The following NPHP1 variants were observed in gnomAD, a reference collection of about 807,000 sequenced individuals.
NPHP1 encodes nephrocystin-1.
In NPHP1, 70 loss-of-function variants were observed where a neutral mutation model predicts 90.4. That is an observed-to-expected ratio of 0.77 (90% CI 0.64 to 0.95). NPHP1 has a LOEUF of 0.95. Ranked by LOEUF, NPHP1 falls within the 40% of genes least tolerant of loss-of-function variation. The probability of loss-of-function intolerance (pLI) is 0.00; values close to 1 mark genes in which losing one functional copy is unlikely to be tolerated. For synonymous variants in NPHP1, 256 were observed against 271.7 expected (o/e 0.94, Z 0.57); for missense variants, 764 against 795.9 (o/e 0.96, Z 0.48).
intron 6 of NPHP1, among the ~76,000 whole-genome samples, chr2:110,166,405 C>T (rs1682732538): frequency 6.6e-6 from 1 of 152,182 alleles, no homozygotes. Flanking sequence ...TTTCCCAAGA[C>T]TTCCTTGCAG....
At chr2:110,176,733 G>A (rs1683538569) in intron 4 of NPHP1, among the ~76,000 whole-genome samples, 1 of 151,990 alleles carries the variant, frequency 6.6e-6, no homozygotes. Context: ...TTACTCCTAG[G>A]GCCTGGGCCT....
At chr2:110,192,607 C>G (rs1438145314) in intron 2 of NPHP1, among the ~76,000 whole-genome samples, 1 of 152,122 alleles carries the variant, frequency 6.6e-6, no homozygotes, top group Admixed American at 6.5e-5. Flanking sequence ...AGGAGAACTT[C>G]CCCAATCTAG....
At position 110,171,290 on chromosome 2, in the gene NPHP1, T is replaced by C. The variant is rs556701858; in HGVS notation, c.330-1292A>G. On this transcript the variant is annotated intron_variant, in intron 4 of 19. Transcript: ENST00000445609. ...GGAGCACCTACTGTGTGACAGACAC[T>C]ATGTGCTTGGGCTATAACAATGAAC... is the stretch of plus-strand genomic sequence containing the variant. Among the ~76,000 whole-genome samples, 17 of 152,302 alleles carry C rather than the reference T, an allele frequency of 1.1e-4. No homozygotes were observed. The East Asian group carries it at 3.3e-3, about 29-fold the overall frequency.
chr2:110,140,418 G>A (rs1300885326), intron 16 of NPHP1, among the ~76,000 whole-genome samples: 1 of 152,122 alleles, frequency 6.6e-6, no homozygotes, highest in Non-Finnish European at 1.5e-5. Flanking sequence ...AAGGACACAG[G>A]ACCTTTAAGA....
chr2:110,161,044 T>G (rs1181489725), intron 10 of NPHP1, among the ~76,000 whole-genome samples: 1 of 152,022 alleles, frequency 6.6e-6, no homozygotes, highest in Non-Finnish European at 1.5e-5. Context: ...TGTAGGCCTG[T>G]GGCCCCAGCT....
At chr2:110,191,729 C>T (rs1684757602) in intron 2 of NPHP1, among the ~76,000 whole-genome samples, 1 of 152,152 alleles carries the variant, frequency 6.6e-6, no homozygotes, top group Non-Finnish European at 1.5e-5. Flanking sequence ...TCCCTGACCC[C>T]CAAGTAGCCT....
intron 7 of NPHP1, 54 bp downstream of exon 7, chr2:110,164,998 A>T: frequency 7.3e-7 from 1 of 1,366,534 alleles, no homozygotes; most frequent in Non-Finnish European, 1.0e-6. Context: ...TAATAAAAAT[A>T]AACAAATAAA....
At chr2:110,189,555 T>C (rs1431650320) in intron 2 of NPHP1, among the ~76,000 whole-genome samples, 1 of 152,126 alleles carries the variant, frequency 6.6e-6, no homozygotes, top group Non-Finnish European at 1.5e-5. Flanking sequence ...CAAGATTTAT[T>C]GCAAACAGCG....
rs1682513599 is a variant in NPHP1 at position 110,163,720 on chromosome 2, G to A, written c.772-585C>T. The A allele has an allele frequency of 1.3e-5, 2 of 156,742 alleles. 1 individual carries two copies. 9.7% of individuals were successfully genotyped at this position (156,742 alleles called of 1,614,324 possible). ...CTGTCGCCCAGGCTGGAGTACAGTG[G>A]AGTATTCTCGGCTCACTGCAACCTC... On this transcript the variant is annotated intron_variant, in intron 8 of 19. Coordinates refer to ENST00000445609, the MANE Select transcript of NPHP1 (RefSeq NM_001128178.3).
intron 15 of NPHP1, chr2:110,143,842 T>C (rs985555056): frequency 8.9e-6 from 5 of 560,312 alleles, no homozygotes; most frequent in Non-Finnish European, 1.6e-5. Context: ...AGTTACAGCA[T>C]TATTGCTGCC....
At chr2:110,164,753 T>C in intron 7 of NPHP1, 23 bp from the exon 8 acceptor site, 1 of 1,597,442 alleles carries the variant, frequency 6.3e-7, no homozygotes, top group Non-Finnish European at 8.6e-7. Context: ...AATAGCAAAG[T>C]GAGTCAGGTC....
intron 2 of NPHP1, chr2:110,184,651 A>G (rs1684154137): frequency 1.3e-6 from 1 of 786,412 alleles, no homozygotes; most frequent in Admixed American, 1.8e-5. Flanking sequence ...CTCTACCTGC[A>G]TAAGGAGGGC....
At chr2:110,128,804 A>G (rs1001531068) in intron 18 of NPHP1, 3 of 254,156 alleles carry the variant, frequency 1.2e-5, no homozygotes, top group South Asian at 1.2e-4. Context: ...TATTTCAGAC[A>G]GCAAACAGCA....
At chr2:110,154,264 A>G (rs1291388389) in intron 11 of NPHP1, among the ~76,000 whole-genome samples, 2 of 152,138 alleles carry the variant, frequency 1.3e-5, no homozygotes, top group African/African-American at 4.8e-5. Flanking sequence ...TTCTGCCATG[A>G]TTGTGAGGCC....
chr2:110,125,086 A>T, intron 19 of NPHP1: 1 of 984,324 alleles, frequency 1.0e-6, no homozygotes, highest in Non-Finnish European at 1.4e-6. Flanking sequence ...AGAGCTGAGT[A>T]GTGTGACAGA....
intron 4 of NPHP1, among the ~76,000 whole-genome samples, chr2:110,175,600 G>A (rs1470217826): frequency 6.6e-6 from 1 of 152,006 alleles, no homozygotes; most frequent in Non-Finnish European, 1.5e-5. Flanking sequence ...GTCTCTACAT[G>A]TTTCCTTTTT....
At chr2:110,168,333 A>G in intron 6 of NPHP1, 119 bp downstream of exon 6, 1 of 724,318 alleles carries the variant, frequency 1.4e-6, no homozygotes. Flanking sequence ...CCAAAATTAA[A>G]GCAAATTCTA....
chr2:110,156,031 G>A (rs1681861358), intron 11 of NPHP1, among the ~76,000 whole-genome samples: 1 of 151,914 alleles, frequency 6.6e-6, no homozygotes, highest in African/African-American at 2.4e-5. Context: ...TGTCGTGGGA[G>A]GAAACCAGTA....
At chr2:110,150,839 T>C (rs62160547) in intron 11 of NPHP1, among the ~76,000 whole-genome samples, 58,392 of 150,944 alleles carry the variant, frequency 0.39, 12,027 homozygotes, top group East Asian at 0.59. Context: ...TGTGAGCCAT[T>C]GCACCCAGCA....
Sources: allele counts gnomAD v4.1 joint callset (sites outside exome capture counted in the v4.1 genomes callset), GRCh38; gene constraint gnomAD v4.1.1; transcripts MANE v1.5; gene names NCBI Gene and HGNC (gene_info 2026-07-23, HGNC 2026-07-21).